Variants in UBR2 observed in about 807,000 individuals in gnomAD.
UBR2 encodes E3 ubiquitin-protein ligase UBR2.
A neutral mutation model predicts 247.9 loss-of-function variants in UBR2; 92 were observed. The ratio of observed to expected loss-of-function variants is 0.37; its 90% confidence interval spans 0.31 to 0.44. The LOEUF is 0.44. Among genes scored for constraint, UBR2 ranks in the 20% least tolerant of loss-of-function variants. The probability of loss-of-function intolerance (pLI) is 1.00; values close to 1 mark genes in which losing one functional copy is unlikely to be tolerated. For synonymous variants in UBR2, 672 were observed against 693.5 expected, an observed-to-expected ratio of 0.97 and a Z score of 0.49; for missense variants, 1,613 against 2,112.6, an observed-to-expected ratio of 0.76 and a Z score of 4.64.
chr6:42,629,778 T>C (rs1795585989), intron 11 of UBR2, among the ~76,000 whole-genome samples: 2 of 152,224 alleles, frequency 1.3e-5, no homozygotes, highest in Non-Finnish European at 2.9e-5. Context: ...AGCAACAATT[T>C]CTTAGCATAA....
Position 42,676,125 on chromosome 6 carries a change from G to C in UBR2, c.4321G>C (p.Asp1441His). 6.2e-7 allele frequency: 1 copy of C among 1,613,720 alleles called. No individual in the cohort carries two copies. The highest frequency in any genetic ancestry group is 8.5e-7 in the Non-Finnish European group (1 of 1,179,954). The change falls in exon 39 of 47, where the codon GAC becomes CAC. Residue 1441 changes from aspartate (D) to histidine (H), a missense_variant. Coordinates refer to ENST00000372901, the MANE Select transcript of UBR2 (RefSeq NM_001363705.2). ...TTCAGGGATCAGCCTTGGCACTGGA[G>C]ACCTTCACATTTTCCATCTGGTTAC... ...DFSGISLGTGDLHIFHLVTMA... is the reference protein window; with the variant it reads ...DFSGISLGTGHLHIFHLVTMA...
At chr6:42,613,015 C>T (rs1233593935) in intron 8 of UBR2, among the ~76,000 whole-genome samples, 2 of 152,014 alleles carry the variant, frequency 1.3e-5, no homozygotes, top group Non-Finnish European at 2.9e-5. Context: ...GCAGGAGAAT[C>T]ACTTGAACCC....
Position 42,575,557 on chromosome 6 carries a change from G to A in UBR2, c.338+1564G>A, listed in dbSNP as rs143025007. Reference sequence around the variant, plus strand: ...TGGAATGTTTCCTCAATTTTTCTGTGACTTTCATGATCTTGACACTTTTGA... The same window carrying A: ...TGGAATGTTTCCTCAATTTTTCTGTAACTTTCATGATCTTGACACTTTTGA... On this transcript the variant is annotated intron_variant, in intron 2 of 46. Coordinates refer to ENST00000372901, the MANE Select transcript of UBR2 (RefSeq NM_001363705.2). Among the ~76,000 whole-genome samples, 143 of 152,174 alleles carry A rather than the reference G, an allele frequency of 9.4e-4. 1 individual carries two copies. The highest frequency in any genetic ancestry group is 8.2e-3 in the Admixed American group (125 of 15,284).
Position 42,658,282 on chromosome 6 carries a change from A to G in UBR2, c.3025A>G (p.Ser1009Gly). 2 of 1,614,014 alleles carry G rather than the reference A, an allele frequency of 1.2e-6. No homozygotes were observed. The highest frequency in any genetic ancestry group is 1.7e-6 in the Non-Finnish European group (2 of 1,179,966). Reference protein sequence around the residue: ...VKKMRESSPTSPVAETEGTIM... With the variant: ...VKKMRESSPTGPVAETEGTIM... ...AAAGATGAGGGAGAGTTCACCTACC[A>G]GTCCCGTGGCAGAGACAGAAGGAAC... Residue 1009 changes from serine (S) to glycine (G), a missense_variant, in exon 28 of 47, where the codon AGT becomes GGT. By Grantham distance (56) the Ser-to-Gly change is moderately conservative. Coordinates refer to ENST00000372901, the MANE Select transcript of UBR2 (RefSeq NM_001363705.2).
Position 42,612,236 on chromosome 6 carries a change from T to C in UBR2, c.930T>C (p.His310=). Residue 310 remains histidine, a synonymous_variant, in exon 8 of 47, where the codon CAT becomes CAC. Coordinates refer to ENST00000372901, the MANE Select transcript of UBR2 (RefSeq NM_001363705.2). ...VQVMHSSIVA[H]QNFGLKLLSW... is the part of the protein sequence containing the mutation. ...TTATGCATTCGTCTATTGTCGCACATCAGAATTTTGGTTTGAAACTTTTGT... is the reference window on the plus strand; with the variant it reads ...TTATGCATTCGTCTATTGTCGCACACCAGAATTTTGGTTTGAAACTTTTGT... 1 of 1,546,392 alleles carries C rather than the reference T, an allele frequency of 6.5e-7. No individual in the cohort carries two copies. Among genetic ancestry groups the C allele is most frequent in the Non-Finnish European group, 8.8e-7 (1 of 1,131,788 alleles).
chr6:42,576,964 AC>A (rs1279681719), intron 2 of UBR2, among the ~76,000 whole-genome samples: 1 of 152,216 alleles, frequency 6.6e-6, no homozygotes, highest in Non-Finnish European at 1.5e-5. Context: ...CTCCCTGGAA[AC>A]CAGATCAAAG....
intron 10 of UBR2, 23 bp from the exon 11 acceptor site, chr6:42,617,386 G>A: frequency 6.2e-7 from 1 of 1,612,592 alleles, no homozygotes; most frequent in Non-Finnish European, 8.5e-7. Context: ...GGCACTCCTT[G>A]CCTTTTTTTG....
intron 16 of UBR2, 106 bp downstream of exon 16, chr6:42,640,376 C>A (rs2151957120): frequency 3.8e-5 from 23 of 609,088 alleles, no homozygotes; most frequent in Middle Eastern, 4.8e-4. Flanking sequence ...AGGAACAGAA[C>A]CAGTAAGGTG....
In UBR2 at chr6:42,692,782, T is replaced by A. The variant is rs1235873649; in HGVS notation, c.*1609T>A. ...GAAGCCACATTCCTCTCCAAGGTAGTGTGTGAAAGAACCGCCCCCTCTTGA... is the reference window on the plus strand; with the variant it reads ...GAAGCCACATTCCTCTCCAAGGTAGAGTGTGAAAGAACCGCCCCCTCTTGA... On this transcript the variant is annotated 3_prime_UTR_variant, in exon 47 of 47. Coordinates refer to ENST00000372901, the MANE Select transcript of UBR2 (RefSeq NM_001363705.2). The A allele has an allele frequency of 6.6e-6, 1 of 152,158 alleles. No homozygotes were observed. The highest frequency in any genetic ancestry group is 1.5e-5 in the Non-Finnish European group (1 of 68,036). 9.4% of individuals were successfully genotyped at this position (152,158 alleles called of 1,614,324 possible).
chr6:42,664,120 G>A (rs1454365177), intron 32 of UBR2: 1 of 151,712 alleles, frequency 6.6e-6, no homozygotes, highest in Non-Finnish European at 1.5e-5. Context: ...TTGCACTTCA[G>A]CCTGAGTGAC....
At chr6:42,625,884 G>C (rs767681803) in intron 11 of UBR2, among the ~76,000 whole-genome samples, 2 of 150,840 alleles carry the variant, frequency 1.3e-5, no homozygotes, top group Non-Finnish European at 3.0e-5. Context: ...TGCGATCTCG[G>C]CTCACTGCAT....
At chr6:42,684,513 G>C (rs4714619) in intron 43 of UBR2, among the ~76,000 whole-genome samples, 1 of 151,616 alleles carries the variant, frequency 6.6e-6, no homozygotes, top group Non-Finnish European at 1.5e-5. Flanking sequence ...GAACCCGGGA[G>C]GCGGAGGTTG....
intron 42 of UBR2, among the ~76,000 whole-genome samples, chr6:42,682,719 A>C (rs759573981): frequency 2.6e-5 from 4 of 152,160 alleles, no homozygotes; most frequent in Non-Finnish European, 5.9e-5. Context: ...TGGCCAAAAA[A>C]GTTTTATTTT....
intron 13 of UBR2, 54 bp downstream of exon 13, chr6:42,632,958 CTTTTT>C: frequency 1.5e-6 from 1 of 645,546 alleles, no homozygotes; most frequent in Non-Finnish European, 2.1e-6. Context: ...TCTCTTTTCT[CTTTTT>C]TTTTTTTTTT....
At chr6:42,586,946 G>A (rs755595675) in intron 2 of UBR2, among the ~76,000 whole-genome samples, 24 of 149,454 alleles carry the variant, frequency 1.6e-4, no homozygotes, top group South Asian at 2.1e-4. Flanking sequence ...TCAGCCTCCC[G>A]AGTAGCTGGG....
chr6:42,682,627 C>G (rs1799122526), intron 42 of UBR2, among the ~76,000 whole-genome samples: 1 of 151,960 alleles, frequency 6.6e-6, no homozygotes, highest in African/African-American at 2.4e-5. Context: ...GCCATATTGC[C>G]CAGGCTGGTC....
chr6:42,690,551 A>G (rs1799697052), intron 46 of UBR2, among the ~76,000 whole-genome samples: 2 of 152,176 alleles, frequency 1.3e-5, no homozygotes, highest in African/African-American at 4.8e-5. Context: ...TGCTTCACTG[A>G]GACTGTGGCT....
At chr6:42,655,467 GA>G (rs1319787927) in intron 25 of UBR2, among the ~76,000 whole-genome samples, 153 bp from the exon 26 acceptor site, 7 of 147,380 alleles carry the variant, frequency 4.7e-5, no homozygotes, top group African/African-American at 9.9e-5. Flanking sequence ...AAAAAAAAAA[GA>G]AAAAAAAATT....
Position 42,655,615 on chromosome 6 carries a change from T to G in UBR2, c.2770-6T>G. 1 of 1,519,266 alleles carries G rather than the reference T, an allele frequency of 6.6e-7. No homozygotes were observed. The highest frequency in any genetic ancestry group is 8.8e-7 in the Non-Finnish European group (1 of 1,134,096). The allele number at this position is 1,519,266 out of a possible 1,614,324, so 94.1% of individuals were successfully genotyped here. A position where few individuals can be genotyped will look rare whatever the true frequency, so the allele number is the denominator to read the frequency against. ...TTTACTAAAAGTTACAAAACATTTA[T>G]TCAAGGTGTTACATTTAATTGGCAT... On this transcript the variant is annotated splice_polypyrimidine_tract_variant and splice_region_variant and intron_variant, in intron 25 of 46. Coordinates refer to ENST00000372901, the MANE Select transcript of UBR2 (RefSeq NM_001363705.2).
Sources: gnomAD v4.1 joint callset for allele counts (sites outside exome capture counted in the v4.1 genomes callset) on GRCh38, gnomAD v4.1.1 for gene constraint, MANE v1.5 for transcripts, NCBI Gene and HGNC (gene_info 2026-07-23, HGNC 2026-07-21) for gene names.